The following CRELD2 variants were observed in gnomAD, a reference collection of about 807,000 sequenced individuals.
CRELD2 encodes the protein CRELD disulfide isomerase 2, also known as protein disulfide isomerase CRELD2.
CRELD2 carries 33 observed loss-of-function variants against 48.1 expected under a neutral mutation model. The ratio of observed to expected loss-of-function variants is 0.69; its 90% CI spans 0.52 to 0.92. The LOEUF is 0.92. CRELD2 is among the 40% of genes least tolerant of loss of function. CRELD2 has a pLI of 0.00. For missense variants in CRELD2, 477 were observed against 482.4 expected (o/e 0.99, Z 0.10); for synonymous variants, 220 against 203.9 (o/e 1.08, Z -0.67).
chr22:49,922,399 A>G (rs920752785), intron 5 of CRELD2: 24 of 1,609,736 alleles, frequency 1.5e-5, no homozygotes, highest in Non-Finnish European at 1.8e-5. Flanking sequence ...ACGCACACCC[A>G]GCCAGGCTAC....
At chr22:49,922,377 C>T (rs780306625) in intron 5 of CRELD2, 38 of 1,610,772 alleles carry the variant, frequency 2.4e-5, no homozygotes, top group African/African-American at 6.7e-5. Flanking sequence ...CGCATGGATC[C>T]GTGGCCGGAA....
chr22:49,919,084 C>G, intron 1 of CRELD2, 146 bp from the exon 2 acceptor site: 1 of 916,742 alleles, frequency 1.1e-6, no homozygotes, highest in Non-Finnish European at 1.7e-6. Flanking sequence ...GAGTCCCCCT[C>G]ACCCTTGACC....
rs777182740 is a variant in CRELD2 at position 49,927,374 on chromosome 22, C to T, written c.*67C>T. ...GTGGAAAATGTGGCCCTGAGGATGC[C>T]GTCTCCTGCAGTGGACAGCGGCGGG... On this transcript the variant is annotated 3_prime_UTR_variant, in exon 10 of 10. Transcript: ENST00000328268. The T allele has an allele frequency of 4.6e-5, 63 of 1,373,722 alleles. No individual in the cohort carries two copies. The African/African-American group carries it at 6.1e-4, about 13-fold the overall frequency. The allele number at this position is 1,373,722 out of a possible 1,614,324, so 85.1% of individuals were successfully genotyped here. A position where few individuals can be genotyped will look rare whatever the true frequency, so the allele number is the denominator to read the frequency against.
intron 8 of CRELD2, chr22:49,925,186 C>T (rs9616215): frequency 0.11 from 43,509 of 396,432 alleles, 2,824 homozygotes; most frequent in African/African-American, 0.16. Flanking sequence ...GCTGGCCTTC[C>T]GGCCCCACCT....
In CRELD2 at chr22:49,920,010, G is replaced by T. The variant is rs540567675; in HGVS notation, c.324-146G>T. 7.7e-6 allele frequency: 6 copies of T among 775,986 alleles called. No individual in the cohort carries two copies. In the South Asian group the frequency reaches 8.2e-5, roughly 11 times the overall value. The allele number at this position is 775,986 out of a possible 1,614,324, so 48.1% of individuals were successfully genotyped here. On this transcript the variant is annotated intron_variant, in intron 3 of 9. Coordinates refer to ENST00000328268, the MANE Select transcript of CRELD2 (RefSeq NM_024324.5). ...CACCAGAGTCAGCGATCAAAACCAG[G>T]AAATTAAGGAGAAGATTCTGTCCAC...
At chr22:49,920,086 G>T in intron 3 of CRELD2, 70 bp from the exon 4 acceptor site, 3 of 1,034,630 alleles carry the variant, frequency 2.9e-6, no homozygotes, top group Non-Finnish European at 4.6e-6. Context: ...CATATGTTAC[G>T]TTCAGCTGCA....
At chr22:49,922,346 A>C (rs2060699117) in intron 5 of CRELD2, 1 of 1,611,226 alleles carries the variant, frequency 6.2e-7, no homozygotes, top group African/African-American at 1.3e-5. Flanking sequence ...TGTCTCTTGG[A>C]TGTTGGCGTG....
chr22:49,923,851 G>A, intron 7 of CRELD2: 1 of 259,982 alleles, frequency 3.8e-6, no homozygotes, highest in South Asian at 4.0e-5. Context: ...TCAAGGGAAT[G>A]TGTCTTTTAG....
intron 4 of CRELD2, chr22:49,921,326 C>A: frequency 1.9e-6 from 1 of 513,682 alleles, no homozygotes; most frequent in East Asian, 3.2e-5. Context: ...ATGCAGGGTC[C>A]CTTGTTGACC....
intron 5 of CRELD2, 68 bp from the exon 6 acceptor site, chr22:49,922,544 A>T (rs180893288): frequency 1.1e-4 from 166 of 1,485,182 alleles, no homozygotes; most frequent in Non-Finnish European, 1.4e-4. Context: ...CTCACTTTTA[A>T]ACGAGCCTTG....
chr22:49,927,281 C>T lies in CRELD2; in HGVS notation c.1036C>T (p.Gln346Ter). The change falls in exon 10 of 10, where the codon CAG (glutamine) becomes TAG (stop). Residue 346 changes from glutamine to a stop codon, truncating the protein, a stop_gained. Transcript: ENST00000328268. LOFTEE classifies it high-confidence loss of function. The stretch of plus-strand genomic sequence containing the variant: ...AGCCACAGAAGGAGAAAGCCCGACA[C>T]AGCTGCCCTCCCGCGAAGACCTGTA... ...AEATEGESPTQLPSREDL is the reference protein window; with the variant it reads ...AEATEGESPT 1.9e-6 allele frequency: 3 copies of T among 1,612,456 alleles called. No homozygotes were observed. Among genetic ancestry groups the T allele is most frequent in the South Asian group, 2.2e-5 (2 of 91,086 alleles).
chr22:49,923,166 G>A, intron 6 of CRELD2, 68 bp from the exon 7 acceptor site: 2 of 1,300,770 alleles, frequency 1.5e-6, no homozygotes, highest in Non-Finnish European at 2.1e-6. Context: ...GTCAGGCCAT[G>A]ATCGGTCCTT....
At chr22:49,927,175 T>C (rs1186094307) in intron 9 of CRELD2, 80 bp from the exon 10 acceptor site, 20 of 1,273,470 alleles carry the variant, frequency 1.6e-5, no homozygotes, top group African/African-American at 2.9e-5. Flanking sequence ...GCCCTGCACA[T>C]GCGCTGCTGT....
chr22:49,923,191 C>T (rs555906135), intron 6 of CRELD2, 43 bp from the exon 7 acceptor site: 33 of 1,477,820 alleles, frequency 2.2e-5, no homozygotes, highest in Non-Finnish European at 2.7e-5. Context: ...GCTCCCTGGC[C>T]GGGCTGTCCT....
chr22:49,919,522 C>T lies in CRELD2; in HGVS notation c.213-208C>T, dbSNP rs557181373. ...TCTGCTCTGGTCCCTACCCCCTCAA[C>T]AGACAGTGGCTTTTCAAAATGTAAA... is the stretch of plus-strand genomic sequence containing the variant. On this transcript the variant is annotated intron_variant, in intron 2 of 9. Coordinates refer to ENST00000328268, the MANE Select transcript of CRELD2 (RefSeq NM_024324.5). Among the ~76,000 whole-genome samples, 6 of 152,374 alleles carry T rather than the reference C, an allele frequency of 3.9e-5. No homozygotes were observed. The South Asian group carries it at 1.2e-3, about 32-fold the overall frequency.
Position 49,927,287 on chromosome 22 carries a change from C to T in CRELD2, c.1042C>T (p.Pro348Ser), listed in dbSNP as rs148204821. The T allele has an allele frequency of 6.2e-7, 1 of 1,612,330 alleles. No homozygotes were observed. The highest frequency in any genetic ancestry group is 1.1e-5 in the South Asian group (1 of 91,076). ...AGAAGGAGAAAGCCCGACACAGCTG[C>T]CCTCCCGCGAAGACCTGTAATGTGC... Reference protein sequence around the residue: ...ATEGESPTQLPSREDL With the variant: ...ATEGESPTQLSSREDL Residue 348 changes from proline to serine, a missense_variant, in exon 10 of 10, where the codon CCC becomes TCC. Physicochemically the swap from Pro to Ser is moderately conservative, Grantham distance 74. Coordinates refer to ENST00000328268, the MANE Select transcript of CRELD2 (RefSeq NM_024324.5).
intron 2 of CRELD2, 68 bp from the exon 3 acceptor site, chr22:49,919,662 A>C: frequency 8.2e-7 from 1 of 1,213,726 alleles, no homozygotes; most frequent in Non-Finnish European, 1.2e-6. Context: ...AGGTTGGCGT[A>C]TTGGTTCGGA....
Position 49,921,769 on chromosome 22 carries a change from C to G in CRELD2, c.592+8C>G. On this transcript the variant is annotated splice_region_variant and intron_variant, in intron 5 of 9. Transcript: ENST00000328268. Reference sequence around the variant, plus strand: ...CCCACAGCATCTGCACAGGTACGGGCTACGCCTGGGCTGGCCCCGGGGTTG... The same window carrying G: ...CCCACAGCATCTGCACAGGTACGGGGTACGCCTGGGCTGGCCCCGGGGTTG... 1 of 1,602,788 alleles carries G rather than the reference C, an allele frequency of 6.2e-7. No individual in the cohort carries two copies. Among genetic ancestry groups the G allele is most frequent in the Non-Finnish European group, 8.5e-7 (1 of 1,172,576 alleles).
rs527686744 is a variant in CRELD2 at position 49,927,422 on chromosome 22, G to A, written c.*115G>A. The stretch of plus-strand genomic sequence containing the variant: ...GGGGAGAGGCTGCCTGCTCTCTAAC[G>A]GTTGATTCTCATTTGTCCCTTAAAC... On this transcript the variant is annotated 3_prime_UTR_variant, in exon 10 of 10. Coordinates refer to ENST00000328268, the MANE Select transcript of CRELD2 (RefSeq NM_024324.5). 106 of 804,704 alleles carry A rather than the reference G, an allele frequency of 1.3e-4. 1 individual carries two copies. Among genetic ancestry groups the A allele is most frequent in the South Asian group, 1.2e-3 (86 of 70,912 alleles). 49.8% of individuals were successfully genotyped at this position (804,704 alleles called of 1,614,324 possible).
Sources: gnomAD v4.1 joint callset for allele counts (sites outside exome capture counted in the v4.1 genomes callset) on GRCh38, gnomAD v4.1.1 for gene constraint, MANE v1.5 for transcripts, NCBI Gene and HGNC (gene_info 2026-07-23, HGNC 2026-07-21) for gene names.